Variants in BBS9 observed in about 807,000 individuals in gnomAD.
BBS9 encodes Bardet-Biedl syndrome 9.
A neutral mutation model predicts 117.7 loss-of-function variants in BBS9; 89 were observed. That is an observed-to-expected ratio of 0.76 (90% CI 0.64 to 0.90). The LOEUF is 0.90. Ranked by LOEUF, BBS9 falls within the 40% of genes least tolerant of loss-of-function variation. The pLI is 0.00. For missense variants in BBS9, 982 were observed against 1,042.2 expected, an observed-to-expected ratio of 0.94 and a Z score of 0.80; for synonymous variants, 379 against 370.9, an observed-to-expected ratio of 1.02 and a Z score of -0.25.
intron 19 of BBS9, among the ~76,000 whole-genome samples, chr7:33,428,584 A>C (rs531801232): frequency 3.3e-5 from 5 of 152,266 alleles, no homozygotes; most frequent in Middle Eastern, 6.8e-3. Flanking sequence ...ACTTGGCTTT[A>C]TAGGGTACAC....
At chr7:33,146,078 C>T (rs1792296709) in intron 1 of BBS9, among the ~76,000 whole-genome samples, 164 bp from the exon 2 acceptor site, 1 of 152,170 alleles carries the variant, frequency 6.6e-6, no homozygotes, top group Non-Finnish European at 1.5e-5. Flanking sequence ...CTGATTAATG[C>T]TTCCAGCCAT....
chr7:33,612,516 C>G (rs939181497), intron 21 of BBS9, among the ~76,000 whole-genome samples: 5 of 151,910 alleles, frequency 3.3e-5, no homozygotes, highest in African/African-American at 1.2e-4. Context: ...GTACTTTTCC[C>G]CAGGCTGCCC....
At chr7:33,407,592 T>C (rs947145919) in intron 19 of BBS9, among the ~76,000 whole-genome samples, 3 of 147,354 alleles carry the variant, frequency 2.0e-5, no homozygotes, top group Admixed American at 6.8e-5. Flanking sequence ...TTGATGATGG[T>C]GATGTACAGA....
chr7:33,450,704 A>G (rs545096344), intron 19 of BBS9, among the ~76,000 whole-genome samples: 3 of 152,224 alleles, frequency 2.0e-5, no homozygotes, highest in African/African-American at 7.2e-5. Context: ...TTCTTTGCTC[A>G]TTTTAAAATC....
intron 4 of BBS9, among the ~76,000 whole-genome samples, chr7:33,171,295 C>G (rs529094035): frequency 2.6e-5 from 4 of 151,658 alleles, no homozygotes; most frequent in African/African-American, 9.7e-5. Flanking sequence ...TCAGAAATAA[C>G]GCCGCATATC....
At chr7:33,610,543 T>G (rs1219457574), downstream of BBS9, among the ~76,000 whole-genome samples, 4 of 151,946 alleles carry the variant, frequency 2.6e-5, no homozygotes, top group African/African-American at 9.7e-5. Flanking sequence ...GGGGCAAAAT[T>G]CAACTTTTGA....
intron 19 of BBS9, among the ~76,000 whole-genome samples, chr7:33,427,264 G>A (rs1469426174): frequency 6.6e-6 from 1 of 152,156 alleles, no homozygotes; most frequent in East Asian, 1.9e-4. Context: ...TGAAACCATG[G>A]CAGATAAACT....
At chr7:33,329,231 G>A (rs1010829800) in intron 9 of BBS9, among the ~76,000 whole-genome samples, 9 of 152,066 alleles carry the variant, frequency 5.9e-5, no homozygotes, top group African/African-American at 2.2e-4. Context: ...ATGTTGGGCA[G>A]ACTGGTCTCG....
At chr7:33,524,062 C>T (rs1288830916) in intron 20 of BBS9, among the ~76,000 whole-genome samples, 10 of 117,706 alleles carry the variant, frequency 8.5e-5, no homozygotes, top group Middle Eastern at 3.9e-3. Flanking sequence ...TATTGATTTG[C>T]GTATATTGAA....
At position 33,515,974 on chromosome 7, in the gene BBS9, T is replaced by A. The variant is rs1345178338; in HGVS notation, c.2298+10329T>A. 2.0e-5 allele frequency among the ~76,000 whole-genome samples: 3 copies of A among 152,230 alleles called. No homozygotes were observed. The East Asian group carries it at 5.8e-4, about 29-fold the overall frequency. On this transcript the variant is annotated intron_variant, in intron 20 of 22. Transcript: ENST00000242067. ...TGCTCAATGATAAGTCATGGTGTGG[T>A]TTTAAAAGATAATTTAAATGGTAAT...
At chr7:33,407,897 C>G (rs1335933010) in intron 19 of BBS9, among the ~76,000 whole-genome samples, 4 of 152,254 alleles carry the variant, frequency 2.6e-5, no homozygotes, top group Non-Finnish European at 5.9e-5. Flanking sequence ...CAGGGACCCA[C>G]TAGAGGAGGC....
intron 9 of BBS9, among the ~76,000 whole-genome samples, chr7:33,315,433 A>G (rs1810274462): frequency 6.6e-6 from 1 of 152,174 alleles, no homozygotes; most frequent in Non-Finnish European, 1.5e-5. Context: ...TGATCTCATC[A>G]TTCTCTTACC....
rs528934646 is a variant in BBS9 at position 33,234,108 on chromosome 7, T to C, written c.443-23128T>C. On this transcript the variant is annotated intron_variant, in intron 5 of 22. Coordinates refer to ENST00000242067, the MANE Select transcript of BBS9 (RefSeq NM_198428.3). The stretch of plus-strand genomic sequence containing the variant: ...TCAATGATCACATCGACTGTGGTGG[T>C]GATCACAGTGTTTGTGTTCAATTAA... Among the ~76,000 whole-genome samples the C allele has an allele frequency of 3.9e-5, 6 of 152,270 alleles. No individual in the cohort carries two copies. The East Asian group carries it at 1.2e-3, about 29-fold the overall frequency.
intron 21 of BBS9, among the ~76,000 whole-genome samples, chr7:33,572,696 A>T (rs1460716540): frequency 6.6e-6 from 1 of 152,044 alleles, no homozygotes; most frequent in Non-Finnish European, 1.5e-5. Flanking sequence ...ATGATTAGCG[A>T]TGTTGAGCAT....
downstream of BBS9, among the ~76,000 whole-genome samples, chr7:33,606,989 C>G (rs1332896719): frequency 1.3e-5 from 2 of 152,072 alleles, no homozygotes; most frequent in African/African-American, 4.8e-5. Context: ...TAAGGTTCTC[C>G]TAATCACCTT....
intron 19 of BBS9, among the ~76,000 whole-genome samples, chr7:33,403,903 A>C (rs906453845): frequency 2.0e-5 from 3 of 152,160 alleles, no homozygotes; most frequent in Admixed American, 6.5e-5. Flanking sequence ...CGACTTCCAC[A>C]GTGGTTGAAC....
chr7:33,596,594 C>G (rs2700682), intron 21 of BBS9, among the ~76,000 whole-genome samples: 152,202 of 152,210 alleles, frequency 1, 76,097 homozygotes, highest in Middle Eastern at 1. Context: ...CTCCATTGTA[C>G]CCCTTGTGTA....
intron 19 of BBS9, among the ~76,000 whole-genome samples, chr7:33,440,686 G>A (rs1433359239): frequency 6.6e-6 from 1 of 152,132 alleles, no homozygotes; most frequent in Non-Finnish European, 1.5e-5. Flanking sequence ...CTGAATCACA[G>A]CACATTAAGT....
At chr7:33,593,220 C>T (rs983359328) in intron 21 of BBS9, among the ~76,000 whole-genome samples, 1 of 152,084 alleles carries the variant, frequency 6.6e-6, no homozygotes, top group African/African-American at 2.4e-5. Flanking sequence ...CATTTCATTG[C>T]AGAGTGTTCC....
Sources: allele counts gnomAD v4.1 joint callset (sites outside exome capture counted in the v4.1 genomes callset), GRCh38; gene constraint gnomAD v4.1.1; transcripts MANE v1.5; gene names NCBI Gene and HGNC (gene_info 2026-07-23, HGNC 2026-07-21).